BLOC1S5: variants seen among roughly 807,000 people sequenced by gnomAD.
BLOC1S5 encodes the protein biogenesis of lysosome-related organelles complex 1 subunit 5.
Under a neutral mutation model 24.3 loss-of-function variants are expected in BLOC1S5, and 27 were observed. The observed-to-expected ratio is 1.11, with a 90% CI of 0.82 to 1.53. The LOEUF is 1.53. BLOC1S5 is among the 40% of genes most tolerant of loss of function. The pLI, the probability that BLOC1S5 is intolerant of heterozygous loss-of-function variation, is 0.00. For missense variants in BLOC1S5, 239 were observed against 229.4 expected (o/e 1.04, Z -0.27); for synonymous variants, 84 against 74.5 (o/e 1.13, Z -0.66).
At chr6:8,018,535 C>T (rs1298896790) in intron 4 of BLOC1S5, among the ~76,000 whole-genome samples, 1 of 152,154 alleles carries the variant, frequency 6.6e-6, no homozygotes, top group Non-Finnish European at 1.5e-5. Context: ...TCCAGTACAG[C>T]CCAATAAAGA....
At chr6:8,063,158 A>T (rs1757325043) in intron 1 of BLOC1S5, among the ~76,000 whole-genome samples, 1 of 152,198 alleles carries the variant, frequency 6.6e-6, no homozygotes, top group Non-Finnish European at 1.5e-5. Context: ...CAGAAGCAAC[A>T]AAACTATAAA....
intron 2 of BLOC1S5, among the ~76,000 whole-genome samples, chr6:8,062,087 G>A (rs115106261): frequency 2.1e-4 from 32 of 152,298 alleles, no homozygotes; most frequent in African/African-American, 3.6e-4. Context: ...TCTAGGTAAC[G>A]TCTAAAAGAT....
intron 2 of BLOC1S5, among the ~76,000 whole-genome samples, chr6:8,046,990 T>A (rs1444052876): frequency 6.6e-6 from 1 of 151,918 alleles, no homozygotes; most frequent in Non-Finnish European, 1.5e-5. Flanking sequence ...CACTTTGTTG[T>A]CCAGGCTGGC....
intron 2 of BLOC1S5, among the ~76,000 whole-genome samples, chr6:8,061,777 C>T (rs529134764): frequency 6.6e-6 from 1 of 152,252 alleles, no homozygotes; most frequent in African/African-American, 2.4e-5. Flanking sequence ...CTGCTTAAAG[C>T]ACAATAAACC....
chr6:8,040,354 T>A (rs1347901093), intron 3 of BLOC1S5, among the ~76,000 whole-genome samples: 1 of 152,244 alleles, frequency 6.6e-6, no homozygotes, highest in Non-Finnish European at 1.5e-5. Flanking sequence ...CGTTTGTATT[T>A]TTAATTACAG....
chr6:8,046,042 C>A (rs930772901), intron 2 of BLOC1S5, among the ~76,000 whole-genome samples: 1 of 152,126 alleles, frequency 6.6e-6, no homozygotes, highest in Non-Finnish European at 1.5e-5. Flanking sequence ...TCTGTCCCCA[C>A]CCAAATCTCA....
intron 2 of BLOC1S5, among the ~76,000 whole-genome samples, chr6:8,051,475 C>G (rs1764103428): frequency 1.3e-5 from 2 of 152,198 alleles, no homozygotes; most frequent in Admixed American, 6.5e-5. Flanking sequence ...CAAGGTGAAG[C>G]AACAAATGCT....
intron 4 of BLOC1S5, among the ~76,000 whole-genome samples, chr6:8,019,347 C>T (rs1762845486): frequency 6.6e-6 from 1 of 150,536 alleles, no homozygotes; most frequent in Non-Finnish European, 1.5e-5. Flanking sequence ...TAGCTCACTG[C>T]AACCTCTGCC....
chr6:8,043,808 A>G (rs1261907895), intron 2 of BLOC1S5, among the ~76,000 whole-genome samples: 1 of 152,158 alleles, frequency 6.6e-6, no homozygotes, highest in Non-Finnish European at 1.5e-5. Flanking sequence ...CCAAGTCTCA[A>G]CTTGAATTGT....
intron 2 of BLOC1S5, among the ~76,000 whole-genome samples, chr6:8,045,195 C>T (rs1418857746): frequency 6.6e-6 from 1 of 152,240 alleles, no homozygotes; most frequent in African/African-American, 2.4e-5. Flanking sequence ...AAGGGGCCGA[C>T]ATACAGCTTG....
At chr6:8,041,117 T>TA in intron 3 of BLOC1S5, 22 bp downstream of exon 3, 1 of 1,558,566 alleles carries the variant, frequency 6.4e-7, no homozygotes, top group African/African-American at 1.4e-5. Context: ...GAAAAGCAAT[T>TA]AAAAAAGAAT....
At chr6:8,019,765 T>C (rs1185350886) in intron 4 of BLOC1S5, among the ~76,000 whole-genome samples, 2 of 152,192 alleles carry the variant, frequency 1.3e-5, no homozygotes, top group Non-Finnish European at 2.9e-5. Flanking sequence ...ACAAAGTCCA[T>C]TTACAAATAC....
At chr6:8,031,527 G>A (rs145428582) in intron 3 of BLOC1S5, among the ~76,000 whole-genome samples, 50 of 152,132 alleles carry the variant, frequency 3.3e-4, no homozygotes, top group African/African-American at 1.2e-3. Flanking sequence ...TAAATATTGT[G>A]AAATGTCCAT....
chr6:8,050,601 C>CTTTTTT (rs35623258), intron 2 of BLOC1S5, among the ~76,000 whole-genome samples: 2 of 137,808 alleles, frequency 1.5e-5, no homozygotes, highest in African/African-American at 2.6e-5. Context: ...GGAAAAGAAA[C>CTTTTTT]TTTTTTTTTT....
intron 3 of BLOC1S5, among the ~76,000 whole-genome samples, chr6:8,035,581 G>C (rs553922080): frequency 1.6e-4 from 24 of 152,204 alleles, no homozygotes; most frequent in Non-Finnish European, 3.2e-4. Context: ...AAGAGCAGGA[G>C]TAACTATACT....
intron 3 of BLOC1S5, 101 bp from the exon 4 acceptor site, chr6:8,026,526 AT>A (rs1414777904): frequency 1.5e-5 from 14 of 938,758 alleles, no homozygotes; most frequent in Non-Finnish European, 2.3e-5. Flanking sequence ...ATTGTTTTAG[AT>A]CTCAAAAAAC....
chr6:8,021,550 G>T (rs1762916033), intron 4 of BLOC1S5, among the ~76,000 whole-genome samples: 1 of 152,028 alleles, frequency 6.6e-6, no homozygotes, highest in African/African-American at 2.4e-5. Context: ...AGTGAGCCGA[G>T]ATCGCACCAC....
chr6:8,029,169 C>A (rs182113305), intron 3 of BLOC1S5, among the ~76,000 whole-genome samples: 1 of 152,100 alleles, frequency 6.6e-6, no homozygotes, highest in African/African-American at 2.4e-5. Context: ...TTCCAAAATG[C>A]GGATATAGAA....
At chr6:8,034,619 TATAATA>T (rs1331339769) in intron 3 of BLOC1S5, among the ~76,000 whole-genome samples, 1 of 152,018 alleles carries the variant, frequency 6.6e-6, no homozygotes, top group Non-Finnish European at 1.5e-5. Flanking sequence ...GAACTTAAAG[TATAATA>T]ATAATAAAAA....
Sources: gnomAD v4.1 joint callset for allele counts (sites outside exome capture counted in the v4.1 genomes callset) on GRCh38, gnomAD v4.1.1 for gene constraint, MANE v1.5 for transcripts, NCBI Gene and HGNC (gene_info 2026-07-23, HGNC 2026-07-21) for gene names.